Variants in MCTP1 observed in about 807,000 individuals in gnomAD.
MCTP1 encodes the protein multiple C2 and transmembrane domain containing 1, also known as multiple C2 and transmembrane domain-containing protein 1.
MCTP1 carries 69 observed loss-of-function variants against 120.6 expected under a neutral mutation model. The observed-to-expected ratio is 0.57, with a 90% CI of 0.47 to 0.70. The LOEUF is 0.70. Among genes scored for constraint, MCTP1 ranks in the 30% least tolerant of loss-of-function variants. MCTP1 has a pLI of 0.00. For synonymous variants in MCTP1, 529 were observed against 493.1 expected (o/e 1.07, Z -0.96); for missense variants, 1,203 against 1,248.8 (o/e 0.96, Z 0.55).
chr5:95,068,730 CTAAT>C, intron 1 of MCTP1: 5 of 1,098,602 alleles, frequency 4.6e-6, no homozygotes, highest in Non-Finnish European at 3.5e-6. Flanking sequence ...GCTTTTATGC[CTAAT>C]TAAACACCGA....
rs566432622 is a variant in MCTP1, at chr5:95,027,015, T to C, written c.721-9531A>G. Among the ~76,000 whole-genome samples the C allele has an allele frequency of 4.1e-4, 63 of 152,318 alleles. 1 individual carries two copies. The highest frequency in any genetic ancestry group is 7.4e-4 in the Non-Finnish European group (50 of 68,026). ...CACTGAAAACCTGTACAGTGAAATA[T>C]CCATTAAGTGGAAATCAAAGCTTTT... On this transcript the variant is annotated intron_variant, in intron 1 of 22. Coordinates refer to ENST00000515393, the MANE Select transcript of MCTP1 (RefSeq NM_024717.7).
At chr5:95,023,379 T>C (rs1157256354) in intron 1 of MCTP1, among the ~76,000 whole-genome samples, 1 of 152,194 alleles carries the variant, frequency 6.6e-6, no homozygotes, top group Admixed American at 6.5e-5. Flanking sequence ...ATCTGACCAG[T>C]GGTAACAAAA....
intron 12 of MCTP1, among the ~76,000 whole-genome samples, chr5:94,876,200 T>C (rs1031227087): frequency 2.6e-5 from 4 of 152,184 alleles, no homozygotes; most frequent in African/African-American, 9.7e-5. Context: ...ACAGCTTTGA[T>C]TATCTGCCAC....
chr5:94,723,394 G>T (rs774952432), intron 19 of MCTP1, among the ~76,000 whole-genome samples: 1 of 152,190 alleles, frequency 6.6e-6, no homozygotes, highest in Non-Finnish European at 1.5e-5. Flanking sequence ...AAAATTTTGA[G>T]ATATTAGAGG....
At chr5:94,971,074 A>G (rs1826740995) in intron 2 of MCTP1, among the ~76,000 whole-genome samples, 1 of 152,050 alleles carries the variant, frequency 6.6e-6, no homozygotes, top group Non-Finnish European at 1.5e-5. Flanking sequence ...AGTTGTGTCT[A>G]TTGTCTACAT....
At chr5:94,964,753 T>C (rs1016096027) in intron 2 of MCTP1, among the ~76,000 whole-genome samples, 1 of 152,210 alleles carries the variant, frequency 6.6e-6, no homozygotes, top group African/African-American at 2.4e-5. Flanking sequence ...GTAAGTCTCT[T>C]GTAGGTGGTA....
intron 19 of MCTP1, among the ~76,000 whole-genome samples, chr5:94,769,576 A>C (rs2152893782): frequency 6.6e-6 from 1 of 152,336 alleles, no homozygotes; most frequent in Non-Finnish European, 1.5e-5. Context: ...ATAGACCACA[A>C]AAATTACAGA....
intron 1 of MCTP1, among the ~76,000 whole-genome samples, chr5:95,253,256 C>T (rs1295727557): frequency 6.6e-6 from 1 of 152,078 alleles, no homozygotes; most frequent in Non-Finnish European, 1.5e-5. Context: ...AGAAACAAAA[C>T]TTCATTTCTA....
intron 19 of MCTP1, among the ~76,000 whole-genome samples, chr5:94,724,538 C>T (rs1335871844): frequency 2.0e-5 from 3 of 151,908 alleles, no homozygotes; most frequent in Non-Finnish European, 2.9e-5. Flanking sequence ...AGGACCACCA[C>T]ACCCAGCCAA....
At chr5:95,070,201 A>C (rs569875800) in intron 1 of MCTP1, among the ~76,000 whole-genome samples, 2 of 152,346 alleles carry the variant, frequency 1.3e-5, no homozygotes, top group East Asian at 3.9e-4. Context: ...CTACTAGGCC[A>C]AAGTCCCAGG....
intron 1 of MCTP1, among the ~76,000 whole-genome samples, chr5:95,074,476 C>G (rs1037232011): frequency 3.3e-5 from 5 of 152,122 alleles, no homozygotes; most frequent in Admixed American, 1.3e-4. Context: ...ATTTGTTTTG[C>G]TAAATGATTT....
At chr5:94,820,084 C>T (rs1017245540) in intron 17 of MCTP1, among the ~76,000 whole-genome samples, 1 of 152,172 alleles carries the variant, frequency 6.6e-6, no homozygotes, top group African/African-American at 2.4e-5. Context: ...GATGACTTGT[C>T]ACTTTTGACT....
intron 6 of MCTP1, chr5:94,931,270 G>A (rs1372897267): frequency 6.6e-6 from 1 of 152,072 alleles, no homozygotes; most frequent in African/African-American, 2.4e-5. Context: ...AATTTGAGCA[G>A]ACAAGATTTT....
At chr5:95,148,831 T>A (rs946600782) in intron 1 of MCTP1, among the ~76,000 whole-genome samples, 1 of 152,176 alleles carries the variant, frequency 6.6e-6, no homozygotes, top group Admixed American at 6.5e-5. Context: ...TTAACTGTGA[T>A]GTAAGATGAG....
chr5:94,813,165 G>A (rs1252321207), intron 17 of MCTP1, among the ~76,000 whole-genome samples: 2 of 152,138 alleles, frequency 1.3e-5, no homozygotes, highest in Admixed American at 1.3e-4. Context: ...AAAGATTTAA[G>A]TAGACATTTC....
At chr5:94,725,507 G>A (rs1457628084) in intron 19 of MCTP1, among the ~76,000 whole-genome samples, 1 of 152,180 alleles carries the variant, frequency 6.6e-6, no homozygotes, top group Non-Finnish European at 1.5e-5. Flanking sequence ...TGAAAAAGTT[G>A]TAGGATGTAC....
At chr5:94,924,060 T>C (rs770825918) in intron 6 of MCTP1, 39 bp from the exon 7 acceptor site, 4 of 1,224,904 alleles carry the variant, frequency 3.3e-6, no homozygotes, top group African/African-American at 1.6e-5. Flanking sequence ...TTTGAGATGT[T>C]TTTGAGAATA....
chr5:95,017,343 G>T, intron 2 of MCTP1, 24 bp downstream of exon 2: 1 of 1,434,992 alleles, frequency 7.0e-7, no homozygotes, highest in Non-Finnish European at 9.7e-7. Flanking sequence ...AAGCTTCTAG[G>T]TGATATTGCT....
chr5:95,051,754 A>T (rs2011547), intron 1 of MCTP1, among the ~76,000 whole-genome samples: 2 of 151,894 alleles, frequency 1.3e-5, no homozygotes, highest in Non-Finnish European at 2.9e-5. Flanking sequence ...ATGGAGCTGG[A>T]GGCCATTATT....
Sources: allele counts gnomAD v4.1 joint callset (sites outside exome capture counted in the v4.1 genomes callset), GRCh38; gene constraint gnomAD v4.1.1; transcripts MANE v1.5; gene names NCBI Gene and HGNC (gene_info 2026-07-23, HGNC 2026-07-21).